ACSS1: variants seen among roughly 807,000 people sequenced by gnomAD.
The protein encoded by ACSS1 is acyl-CoA synthetase short chain family member 1.
ACSS1 carries 42 observed loss-of-function variants against 75.3 expected under a neutral mutation model. The observed-to-expected ratio is 0.56, with a 90% CI of 0.44 to 0.72. The LOEUF is 0.72. Ranked by LOEUF, ACSS1 falls within the 30% of genes least tolerant of loss-of-function variation. ACSS1 has a pLI of 0.00. For missense variants in ACSS1, 782 were observed against 935.7 expected (o/e 0.84, Z 2.14); for synonymous variants, 380 against 376.8 (o/e 1.01, Z -0.10).
intron 3 of ACSS1, among the ~76,000 whole-genome samples, chr20:25,028,151 T>G (rs1247626424): frequency 6.6e-6 from 1 of 152,232 alleles, no homozygotes; most frequent in African/African-American, 2.4e-5. Context: ...AGATATCCCA[T>G]GTTTGTGGAT....
intron 12 of ACSS1, chr20:25,012,331 C>T (rs1039331217): frequency 7.6e-6 from 4 of 524,374 alleles, no homozygotes; most frequent in Admixed American, 3.3e-5. Flanking sequence ...GGGAAACCCC[C>T]CAAGCTTAGC....
intron 7 of ACSS1, 108 bp from the exon 8 acceptor site, chr20:25,015,338 T>C: frequency 1.2e-6 from 1 of 852,226 alleles, no homozygotes; most frequent in Non-Finnish European, 1.8e-6. Flanking sequence ...TGAGACTGAG[T>C]CTCACTCTGT....
intron 7 of ACSS1, among the ~76,000 whole-genome samples, chr20:25,017,281 G>A (rs1568831822): frequency 6.6e-6 from 1 of 152,234 alleles, no homozygotes; most frequent in Non-Finnish European, 1.5e-5. Flanking sequence ...TAGGGGGAAT[G>A]TCTTGAGTGA....
intron 2 of ACSS1, among the ~76,000 whole-genome samples, chr20:25,047,166 C>A (rs1029268574): frequency 6.6e-6 from 1 of 152,186 alleles, no homozygotes; most frequent in Admixed American, 6.5e-5. Context: ...GCCCCTTCGC[C>A]CCCAGGTCAC....
intron 1 of ACSS1, among the ~76,000 whole-genome samples, chr20:25,052,309 T>C (rs2089185867): frequency 1.3e-5 from 2 of 150,442 alleles, no homozygotes; most frequent in African/African-American, 2.5e-5. Context: ...CCAAGAAGAG[T>C]TGGGCAAGGA....
intron 2 of ACSS1, chr20:25,046,951 G>C (rs45574242): frequency 0.059 from 45,858 of 778,634 alleles, 2,303 homozygotes; most frequent in East Asian, 0.24. Flanking sequence ...AGCCCTGGCC[G>C]AGGCTGGTGG....
intron 1 of ACSS1, among the ~76,000 whole-genome samples, chr20:25,053,742 A>G (rs2089207481): frequency 6.6e-6 from 1 of 152,234 alleles, no homozygotes; most frequent in Admixed American, 6.5e-5. Context: ...CTGTTCCTGC[A>G]ATTAATCTCC....
chr20:25,019,374 C>T (rs1358822603), intron 7 of ACSS1, among the ~76,000 whole-genome samples: 1 of 152,238 alleles, frequency 6.6e-6, no homozygotes, highest in South Asian at 2.1e-4. Flanking sequence ...ATCAACATTA[C>T]CAATAGGCCT....
intron 8 of ACSS1, among the ~76,000 whole-genome samples, chr20:25,014,687 A>C (rs2088484517): frequency 6.6e-6 from 1 of 152,210 alleles, no homozygotes; most frequent in East Asian, 1.9e-4. Flanking sequence ...ACAAAATGTC[A>C]CAGGAAAAAT....
chr20:25,057,984 C>T lies in ACSS1; in HGVS notation c.119G>A (p.Gly40Glu), dbSNP rs757279252. Residue 40 changes from glycine to glutamate, a missense_variant, in exon 1 of 14, where the codon GGA (glycine) becomes GAA (glutamate). Physicochemically the swap from Gly to Glu is moderately conservative, Grantham distance 98 (BLOSUM62 -2). Transcript: ENST00000323482. Reference sequence around the variant, plus strand: ...AACTGCGGGAGCGCTGCCCGAGGGTCCCGAGGCCGCCCTGCGCGGCGCGCT... The same window carrying T: ...AACTGCGGGAGCGCTGCCCGAGGGTTCCGAGGCCGCCCTGCGCGGCGCGCT... ...GVSAPRRAASGPSGSAPAVAA... is the reference protein window; with the variant it reads ...GVSAPRRAASEPSGSAPAVAA... 7 of 1,536,940 alleles carry T rather than the reference C, an allele frequency of 4.6e-6. No individual in the cohort carries two copies. The South Asian group carries it at 8.4e-5, about 18-fold the overall frequency.
chr20:25,031,351 G>A (rs1488725143), intron 2 of ACSS1, among the ~76,000 whole-genome samples: 2 of 152,142 alleles, frequency 1.3e-5, no homozygotes, highest in Non-Finnish European at 2.9e-5. Flanking sequence ...AGCTGACGAA[G>A]TAGCTTAATA....
chr20:25,043,812 T>C (rs1253530189), intron 2 of ACSS1, among the ~76,000 whole-genome samples: 1 of 152,204 alleles, frequency 6.6e-6, no homozygotes, highest in Admixed American at 6.5e-5. Context: ...GCTGGAATAC[T>C]GGGGCCATTG....
chr20:25,009,170 C>A, intron 13 of ACSS1, 100 bp downstream of exon 13: 1 of 1,080,226 alleles, frequency 9.3e-7, no homozygotes, highest in South Asian at 1.4e-5. Flanking sequence ...CGTTTTGATG[C>A]TAATTGGAAA....
chr20:25,052,117 G>A (rs1415135493), intron 1 of ACSS1, among the ~76,000 whole-genome samples: 1 of 152,146 alleles, frequency 6.6e-6, no homozygotes, highest in Non-Finnish European at 1.5e-5. Context: ...TATGGTTCCT[G>A]CTAGTGCTTC....
At chr20:25,019,920 G>A in intron 7 of ACSS1, 90 bp downstream of exon 7, 2 of 1,566,638 alleles carry the variant, frequency 1.3e-6, no homozygotes, top group South Asian at 2.3e-5. Context: ...AAGCCGGGCA[G>A]CTTCATGACT....
intron 10 of ACSS1, among the ~76,000 whole-genome samples, 169 bp downstream of exon 10, chr20:25,013,367 G>C (rs6115000): frequency 0.098 from 14,856 of 152,264 alleles, 805 homozygotes; most frequent in Middle Eastern, 0.12. Flanking sequence ...GGAAAGCCAG[G>C]GAGGTACAGC....
chr20:25,016,076 C>T (rs1242033064), intron 7 of ACSS1, among the ~76,000 whole-genome samples: 2 of 152,176 alleles, frequency 1.3e-5, no homozygotes, highest in Non-Finnish European at 2.9e-5. Context: ...CAATATGGCA[C>T]GCTCCTGCAG....
intron 1 of ACSS1, among the ~76,000 whole-genome samples, chr20:25,052,935 G>A (rs889241315): frequency 5.9e-5 from 9 of 152,114 alleles, no homozygotes; most frequent in South Asian, 4.1e-4. Flanking sequence ...TGACACACAC[G>A]TACGAATTTT....
Position 25,007,146 on chromosome 20 carries a change from G to A in ACSS1, c.*616C>T, listed in dbSNP as rs1568825023. The A allele has an allele frequency of 3.8e-6, 5 of 1,330,676 alleles. No homozygotes were observed. Among genetic ancestry groups the A allele is most frequent in the Non-Finnish European group, 4.8e-6 (5 of 1,041,642 alleles). The allele number at this position is 1,330,676 out of a possible 1,614,324, so 82.4% of individuals were successfully genotyped here. A position where few individuals can be genotyped will look rare whatever the true frequency, so the allele number is the denominator to read the frequency against. ...TTCTCAAGGGAACTGTTTAGACAGAGGTACAAACATCTCCAATTCAGACTT... is the reference window on the plus strand; with the variant it reads ...TTCTCAAGGGAACTGTTTAGACAGAAGTACAAACATCTCCAATTCAGACTT... On this transcript the variant is annotated 3_prime_UTR_variant, in exon 14 of 14. Coordinates refer to ENST00000323482, the MANE Select transcript of ACSS1 (RefSeq NM_032501.4).
Sources: allele counts gnomAD v4.1 joint callset (sites outside exome capture counted in the v4.1 genomes callset), GRCh38; gene constraint gnomAD v4.1.1; transcripts MANE v1.5; gene names NCBI Gene and HGNC (gene_info 2026-07-23, HGNC 2026-07-21).